The following ACACB variants were observed in gnomAD, a reference collection of about 807,000 sequenced individuals.
ACACB encodes acetyl-CoA carboxylase beta.
ACACB carries 209 observed loss-of-function variants against 278.8 expected under a neutral mutation model. The ratio of observed to expected loss-of-function variants is 0.75; its 90% CI spans 0.67 to 0.84. The LOEUF (loss-of-function observed/expected upper bound fraction) is 0.84, where lower values mean the gene tolerates loss of function less well. ACACB is among the 40% of genes least tolerant of loss of function. The probability of loss-of-function intolerance (pLI) is 0.00; values close to 1 mark genes in which losing one functional copy is unlikely to be tolerated. For synonymous variants in ACACB, 1,174 were observed against 1,285.6 expected, an observed-to-expected ratio of 0.91 and a Z score of 1.86; for missense variants, 2,850 against 3,269.0, an observed-to-expected ratio of 0.87 and a Z score of 3.13.
intron 22 of ACACB, among the ~76,000 whole-genome samples, chr12:109,216,315 G>A (rs1377798379): frequency 2.0e-5 from 3 of 148,326 alleles, no homozygotes; most frequent in East Asian, 4.0e-4. Context: ...TCCTCTTCCC[G>A]GATTCAAGCT....
chr12:109,124,110 T>TCTAACAGAATG (rs2135951172), intron 1 of ACACB, among the ~76,000 whole-genome samples: 1 of 152,264 alleles, frequency 6.6e-6, no homozygotes, highest in African/African-American at 2.4e-5. Flanking sequence ...ATTATATCTA[T>TCTAACAGAATG]CTAACAGAAT....
intron 1 of ACACB, among the ~76,000 whole-genome samples, chr12:109,138,116 CTGG>C (rs2043013363): frequency 6.6e-6 from 1 of 152,108 alleles, no homozygotes; most frequent in South Asian, 2.1e-4. Flanking sequence ...GTTGGCCAGG[CTGG>C]TCTCAAACTC....
At chr12:109,188,315 T>C (rs572487859) in intron 13 of ACACB, among the ~76,000 whole-genome samples, 153 bp downstream of exon 13, 4 of 147,762 alleles carry the variant, frequency 2.7e-5, no homozygotes, top group African/African-American at 1.0e-4. Flanking sequence ...TTTCTCCTTT[T>C]TTCCTTCCTT....
At chr12:109,204,947 A>C (rs1351807275) in intron 19 of ACACB, among the ~76,000 whole-genome samples, 3 of 152,074 alleles carry the variant, frequency 2.0e-5, no homozygotes, top group Non-Finnish European at 4.4e-5. Flanking sequence ...CCTGGGTTCA[A>C]GCAATTCTCC....
intron 3 of ACACB, among the ~76,000 whole-genome samples, chr12:109,167,621 GTATATATATATA>G (rs1216217057): frequency 2.8e-4 from 22 of 77,526 alleles, no homozygotes; most frequent in East Asian, 6.7e-4. Context: ...ATATGTATGT[GTATATATATATA>G]TATATATATA....
chr12:109,265,050 A>C, intron 50 of ACACB, 60 bp from the exon 51 acceptor site: 2 of 1,547,506 alleles, frequency 1.3e-6, no homozygotes, highest in Non-Finnish European at 1.7e-6. Context: ...GGGTGTGGTC[A>C]GAGCCAGTGT....
At chr12:109,170,370 G>A (rs1319515052) in intron 4 of ACACB, among the ~76,000 whole-genome samples, 1 of 152,026 alleles carries the variant, frequency 6.6e-6, no homozygotes, top group East Asian at 1.9e-4. Context: ...CAGCCAGCGT[G>A]TGTTTTTTTA....
At chr12:109,164,202 G>C (rs1185402663) in intron 2 of ACACB, among the ~76,000 whole-genome samples, 1 of 152,116 alleles carries the variant, frequency 6.6e-6, no homozygotes, top group Non-Finnish European at 1.5e-5. Flanking sequence ...ATGGCACAAG[G>C]CTTCTAAAAC....
chr12:109,194,309 T>C (rs554203552), intron 16 of ACACB, among the ~76,000 whole-genome samples: 6 of 152,190 alleles, frequency 3.9e-5, no homozygotes, highest in African/African-American at 1.2e-4. Context: ...AATTCTTCTG[T>C]CTCAGCCTCC....
chr12:109,160,882 G>T (rs756034036), intron 2 of ACACB, among the ~76,000 whole-genome samples: 4 of 152,028 alleles, frequency 2.6e-5, no homozygotes, highest in Non-Finnish European at 5.9e-5. Context: ...TGGTGGCCAA[G>T]AATGGTTTTT....
At chr12:109,156,610 G>GA (rs1412875145) in intron 2 of ACACB, among the ~76,000 whole-genome samples, 6 of 131,272 alleles carry the variant, frequency 4.6e-5, no homozygotes, top group African/African-American at 1.1e-4. Context: ...TTTTTGGGGG[G>GA]GGGCTATTAT....
Position 109,222,583 on chromosome 12 carries a change from A to C in ACACB, c.3641A>C (p.Lys1214Thr). The C allele has an allele frequency of 6.2e-7, 1 of 1,614,174 alleles. No individual in the cohort carries two copies. Among genetic ancestry groups the C allele is most frequent in the Non-Finnish European group, 8.5e-7 (1 of 1,180,022 alleles). ...CTCAACGAGCTCACTCAGCTGAGCAAAAGCGAGCACTGCAAAGTGGCCCTC... is the reference window on the plus strand; with the variant it reads ...CTCAACGAGCTCACTCAGCTGAGCACAAGCGAGCACTGCAAAGTGGCCCTC... ...SILNELTQLS[K>T]SEHCKVALRA... The change falls in exon 25 of 53, where the codon AAA becomes ACA. Residue 1214 changes from lysine (K) to threonine (T), a missense_variant. Physicochemically the swap from Lys to Thr is moderately conservative, Grantham distance 78 (BLOSUM62 -1). Transcript: ENST00000338432.
intron 1 of ACACB, among the ~76,000 whole-genome samples, chr12:109,128,755 T>C (rs2042747266): frequency 6.6e-6 from 1 of 150,654 alleles, no homozygotes; most frequent in East Asian, 2.0e-4. Flanking sequence ...TTGCTTTCTT[T>C]TTTTTTTTTT....
At position 109,196,776 on chromosome 12, in the gene ACACB, C is replaced by T. The variant is rs192280232; in HGVS notation, c.2482-232C>T. 1.7e-3 allele frequency among the ~76,000 whole-genome samples: 263 copies of T among 152,262 alleles called. 2 individuals are homozygous for T. The highest frequency in any genetic ancestry group is 1.9e-3 in the East Asian group (10 of 5,174). ...CACGGCTTGACAGGGACTATATAAG[C>T]GGCCATTAGCCTACCCACAGGGCAG... On this transcript the variant is annotated intron_variant, in intron 16 of 52. Coordinates refer to ENST00000338432, the MANE Select transcript of ACACB (RefSeq NM_001093.4).
At chr12:109,112,075 TGCCGGTAG>T (rs1331576940), upstream of ACACB, among the ~76,000 whole-genome samples, 1 of 152,030 alleles carries the variant, frequency 6.6e-6, no homozygotes, top group Non-Finnish European at 1.5e-5. Context: ...GGTGCAGCAC[TGCCGGTAG>T]GGGGAGCAGT....
chr12:109,261,916 T>G (rs2047389812), intron 48 of ACACB, among the ~76,000 whole-genome samples: 1 of 147,922 alleles, frequency 6.8e-6, no homozygotes, highest in Non-Finnish European at 1.5e-5. Flanking sequence ...AAAATGTATG[T>G]TGGAAATGGG....
In ACACB at chr12:109,246,248, A is replaced by T. The variant is rs200927603; in HGVS notation, c.5371A>T (p.Ile1791Phe). ...CCCGGAAGGACGGGATGTGATCGTC[A>T]TCGGCAATGACATCACCTTTCGCAT... ...EYPEGRDVIVIGNDITFRIGS... is the reference protein window; with the variant it reads ...EYPEGRDVIVFGNDITFRIGS... Residue 1791 changes from isoleucine (I) to phenylalanine (F), a missense_variant, in exon 39 of 53, where the codon ATC (isoleucine) becomes TTC (phenylalanine). Coordinates refer to ENST00000338432, the MANE Select transcript of ACACB (RefSeq NM_001093.4). 1 of 1,613,746 alleles carries T rather than the reference A, an allele frequency of 6.2e-7. No individual in the cohort carries two copies. The highest frequency in any genetic ancestry group is 2.2e-5 in the East Asian group (1 of 44,872).
chr12:109,212,677 G>A (rs370614151), intron 21 of ACACB, among the ~76,000 whole-genome samples, 159 bp from the exon 22 acceptor site: 91 of 152,214 alleles, frequency 6.0e-4, no homozygotes, highest in African/African-American at 1.9e-3. Context: ...ATGAAGCTTC[G>A]CTCCCTCACC....
intron 1 of ACACB, among the ~76,000 whole-genome samples, chr12:109,132,467 A>T (rs976736090): frequency 4.6e-5 from 7 of 152,152 alleles, no homozygotes; most frequent in Non-Finnish European, 8.8e-5. Context: ...GCCCGGTCCC[A>T]TGGAGGTGTT....
Sources: gnomAD v4.1 joint callset for allele counts (sites outside exome capture counted in the v4.1 genomes callset) on GRCh38, gnomAD v4.1.1 for gene constraint, MANE v1.5 for transcripts, NCBI Gene and HGNC (gene_info 2026-07-23, HGNC 2026-07-21) for gene names.